Variants in ADPRM observed in about 807,000 individuals in gnomAD.
ADPRM encodes ADP-ribose/CDP-alcohol diphosphatase, manganese dependent, also known as manganese-dependent ADP-ribose/CDP-alcohol diphosphatase.
ADPRM carries 17 observed loss-of-function variants against 27.2 expected under a neutral mutation model. The ratio of observed to expected loss-of-function variants is 0.63; its 90% CI spans 0.43 to 0.94. The LOEUF (loss-of-function observed/expected upper bound fraction) is 0.94, where lower values mean the gene tolerates loss of function less well. Among genes scored for constraint, ADPRM ranks in the 40% least tolerant of loss-of-function variants. The pLI is 0.00. For synonymous variants in ADPRM, 135 were observed against 145.3 expected (o/e 0.93, Z 0.51); for missense variants, 337 against 412.8 (o/e 0.82, Z 1.59).
intron 1 of ADPRM, among the ~76,000 whole-genome samples, chr17:10,698,786 A>G (rs2074753788): frequency 6.6e-6 from 1 of 152,218 alleles, no homozygotes; most frequent in Admixed American, 6.5e-5. Context: ...TCAAGTCGTT[A>G]ATCAAACTAT....
chr17:10,697,784 G>A, intron 1 of ADPRM, 117 bp downstream of exon 1: 2 of 476,348 alleles, frequency 4.2e-6, no homozygotes. Flanking sequence ...TGCGCGGCTG[G>A]GCCGAGGCAA....
In ADPRM at chr17:10,705,536, T is replaced by G. The variant is rs181349582; in HGVS notation, c.601+9T>G. The G allele has an allele frequency of 1.2e-6, 2 of 1,609,316 alleles. No individual in the cohort carries two copies. Among genetic ancestry groups the G allele is most frequent in the African/African-American group, 2.7e-5 (2 of 74,936 alleles). On this transcript the variant is annotated intron_variant, in intron 2 of 3. Transcript: ENST00000379774. This position sits in a 1 kb window ranked among gnomAD's most constrained non-coding sequence, Gnocchi z 5.4. ...ACTGAATAGTCCTCAAGGTGAATTATTCCTTTGAGCTGAGAATCTAATAGA... is the reference window on the plus strand; with the variant it reads ...ACTGAATAGTCCTCAAGGTGAATTAGTCCTTTGAGCTGAGAATCTAATAGA...
In ADPRM at chr17:10,711,021, A is replaced by C. The variant is rs376218012; in HGVS notation, c.906A>C (p.Thr302=). 8 of 1,614,074 alleles carry C rather than the reference A, an allele frequency of 5.0e-6. No homozygotes were observed. Among genetic ancestry groups the C allele is most frequent in the Non-Finnish European group, 6.8e-6 (8 of 1,180,036 alleles). ...TCAACCTAGAAGGAGTTATTGAAAC[A>C]GCTCCAGACAGCCAAGCCTTTGGCA... is the stretch of plus-strand genomic sequence containing the variant. ...YHVNLEGVIE[T]APDSQAFGTV... Residue 302 remains threonine, a synonymous_variant, in exon 4 of 4, where the codon ACA becomes ACC. Coordinates refer to ENST00000379774, the MANE Select transcript of ADPRM (RefSeq NM_020233.5).
At chr17:10,709,547 C>T (rs1304294717) in intron 3 of ADPRM, among the ~76,000 whole-genome samples, 1 of 151,906 alleles carries the variant, frequency 6.6e-6, no homozygotes, top group Non-Finnish European at 1.5e-5. Context: ...GAAAGACACC[C>T]CTGGGAGAAA....
chr17:10,705,737 A>G lies in ADPRM; in HGVS notation c.601+210A>G. The stretch of plus-strand genomic sequence containing the variant: ...TTTAAATGCCTATTTTAGGCCAGGC[A>G]CTTTTTCTAGGGGTAGATATTCCGA... On this transcript the variant is annotated intron_variant, in intron 2 of 3. Transcript: ENST00000379774. This position sits in a 1 kb window ranked among gnomAD's most constrained non-coding sequence, Gnocchi z 5.4. 1 of 741,758 alleles carries G rather than the reference A, an allele frequency of 1.3e-6. No homozygotes were observed. The allele number at this position is 741,758 out of a possible 1,614,324, so 45.9% of individuals were successfully genotyped here.
intron 3 of ADPRM, among the ~76,000 whole-genome samples, chr17:10,708,652 G>C (rs1169937517): frequency 6.6e-6 from 1 of 152,148 alleles, no homozygotes. Context: ...GGAATGATGT[G>C]ACACCTTTTG....
chr17:10,708,099 T>A (rs1217263861), intron 3 of ADPRM, among the ~76,000 whole-genome samples: 1 of 152,080 alleles, frequency 6.6e-6, no homozygotes, highest in Admixed American at 6.5e-5. Context: ...ACCTACAAAC[T>A]GCAGTGTTCT....
At position 10,701,230 on chromosome 17, in the gene ADPRM, C is replaced by T. The variant is rs1168210354; in HGVS notation, c.-18+3563C>T. 2.6e-5 allele frequency among the ~76,000 whole-genome samples: 4 copies of T among 152,264 alleles called. No homozygotes were observed. In the East Asian group the frequency reaches 7.7e-4, roughly 29 times the overall value. ...CAAAGTTCACTAAAAACTTGCCATT[C>T]TCCTTTCTATTCAAAAGCGAAATAT... On this transcript the variant is annotated intron_variant, in intron 1 of 3. Transcript: ENST00000379774.
intron 3 of ADPRM, among the ~76,000 whole-genome samples, chr17:10,708,439 A>AT: frequency 6.6e-6 from 1 of 150,668 alleles, no homozygotes; most frequent in East Asian, 1.9e-4. Context: ...CAAAAAAAAA[A>AT]AAAAAAAAAA....
At chr17:10,700,249 A>T (rs552948800) in intron 1 of ADPRM, among the ~76,000 whole-genome samples, 2 of 152,330 alleles carry the variant, frequency 1.3e-5, no homozygotes, top group African/African-American at 4.8e-5. Flanking sequence ...GGGTAGAGCT[A>T]CTTCTTTTAC....
At chr17:10,699,241 T>G (rs1196532962) in intron 1 of ADPRM, 1 of 152,098 alleles carries the variant, frequency 6.6e-6, no homozygotes, top group African/African-American at 2.4e-5. Context: ...TGCCTTCCAG[T>G]CTGGGCAACA....
At position 10,704,372 on chromosome 17, in the gene ADPRM, A is replaced by C. The variant is rs542293619; in HGVS notation, c.-17-538A>C. On this transcript the variant is annotated intron_variant, in intron 1 of 3. Coordinates refer to ENST00000379774, the MANE Select transcript of ADPRM (RefSeq NM_020233.5). The stretch of plus-strand genomic sequence containing the variant: ...ACCTATTCAGATATAAAATATGAGA[A>C]ACTGGGTGACCTACCCACCAAGGAA... 7.0e-4 allele frequency among the ~76,000 whole-genome samples: 107 copies of C among 152,178 alleles called. 1 individual carries two copies. The South Asian group carries it at 0.022, about 31-fold the overall frequency.
rs1419912314 is a variant in ADPRM at position 10,701,068 on chromosome 17, G to T, written c.-18+3401G>T. Reference sequence around the variant, plus strand: ...TGAAGCTCACGATAACCTATTGAGGGTTATTTTGCTTCAGGAAACACGAGG... The same window carrying T: ...TGAAGCTCACGATAACCTATTGAGGTTTATTTTGCTTCAGGAAACACGAGG... On this transcript the variant is annotated intron_variant, in intron 1 of 3. Coordinates refer to ENST00000379774, the MANE Select transcript of ADPRM (RefSeq NM_020233.5). Among the ~76,000 whole-genome samples the T allele has an allele frequency of 2.6e-5, 4 of 152,256 alleles. 1 individual carries two copies. The South Asian group carries it at 6.2e-4, about 24-fold the overall frequency.
At chr17:10,699,144 C>T (rs949308118) in intron 1 of ADPRM, 1 of 152,194 alleles carries the variant, frequency 6.6e-6, no homozygotes, top group African/African-American at 2.4e-5. Context: ...TGGCTCACGC[C>T]TGTAATCCCA....
chr17:10,697,759 C>T, intron 1 of ADPRM, 92 bp downstream of exon 1: 1 of 568,176 alleles, frequency 1.8e-6, no homozygotes, highest in East Asian at 3.1e-5. Flanking sequence ...AAGGGGGCTG[C>T]CTTAGGGGTC....
intron 3 of ADPRM, among the ~76,000 whole-genome samples, chr17:10,709,063 T>TA (rs35417275): frequency 1.3e-5 from 2 of 152,230 alleles, no homozygotes; most frequent in Non-Finnish European, 2.9e-5. Flanking sequence ...GTTTAAAAGT[T>TA]AAAGTGTAAT....
At chr17:10,710,536 T>C (rs1011914845) in intron 3 of ADPRM, among the ~76,000 whole-genome samples, 2 of 152,244 alleles carry the variant, frequency 1.3e-5, no homozygotes, top group Non-Finnish European at 2.9e-5. Flanking sequence ...AGGACACCCT[T>C]GATCTTCCTC....
chr17:10,710,224 C>CAGT (rs1296951997), intron 3 of ADPRM, among the ~76,000 whole-genome samples: 26 of 152,218 alleles, frequency 1.7e-4, no homozygotes, highest in African/African-American at 6.3e-4. Flanking sequence ...GCCTCAGCCT[C>CAGT]CCGAGTAGCT....
Position 10,711,224 on chromosome 17 carries a change from T to C in ADPRM, c.*80T>C, listed in dbSNP as rs1208225610. 2 of 1,104,276 alleles carry C rather than the reference T, an allele frequency of 1.8e-6. No individual in the cohort carries two copies. The highest frequency in any genetic ancestry group is 1.6e-5 in the African/African-American group (1 of 62,618). The allele number at this position is 1,104,276 out of a possible 1,614,324, so 68.4% of individuals were successfully genotyped here. On this transcript the variant is annotated 3_prime_UTR_variant, in exon 4 of 4. Transcript: ENST00000379774. ...AAAAAAATAAAAATCCTCTGTCTCA[T>C]TGTTTAGTATTCAGCTTGCATAACA...
Sources: allele counts gnomAD v4.1 joint callset (sites outside exome capture counted in the v4.1 genomes callset), GRCh38; gene constraint gnomAD v4.1.1; non-coding constraint Gnocchi (gnomAD v3.1); transcripts MANE v1.5; gene names NCBI Gene and HGNC (gene_info 2026-07-23, HGNC 2026-07-21).